The following PDZD2 variants were observed in gnomAD, a reference collection of about 807,000 sequenced individuals.
PDZD2 encodes the protein PDZ domain containing 2, also known as PDZ domain-containing protein 2.
Under a neutral mutation model 220.7 loss-of-function variants are expected in PDZD2, and 90 were observed. The observed-to-expected ratio is 0.41, with a 90% CI of 0.34 to 0.49. The LOEUF is 0.49. Ranked by LOEUF, PDZD2 falls within the 20% of genes least tolerant of loss-of-function variation. The pLI is 0.28. For missense variants in PDZD2, 3,174 were observed against 3,608.5 expected, an observed-to-expected ratio of 0.88 and a Z score of 3.08; for synonymous variants, 1,375 against 1,450.5, an observed-to-expected ratio of 0.95 and a Z score of 1.18.
intron 1 of PDZD2, among the ~76,000 whole-genome samples, chr5:31,693,431 G>C (rs1480271160): frequency 6.6e-6 from 1 of 152,028 alleles, no homozygotes; most frequent in Non-Finnish European, 1.5e-5. Flanking sequence ...TAGTAAAGAC[G>C]GGGTGTCATC....
At chr5:31,944,611 C>T (rs1746474688) in intron 2 of PDZD2, among the ~76,000 whole-genome samples, 2 of 152,250 alleles carry the variant, frequency 1.3e-5, no homozygotes, top group Admixed American at 6.5e-5. Context: ...AGACAGACTT[C>T]GCCTGCTTCC....
chr5:31,763,758 A>AT (rs1751799280), intron 1 of PDZD2, among the ~76,000 whole-genome samples: 1 of 151,974 alleles, frequency 6.6e-6, no homozygotes, highest in African/African-American at 2.4e-5. Context: ...CACCAGCCTC[A>AT]TCAAAGCTGG....
intron 1 of PDZD2, among the ~76,000 whole-genome samples, chr5:31,779,373 C>CTTTTTT (rs58290929): frequency 3.7e-5 from 4 of 106,668 alleles, no homozygotes; most frequent in East Asian, 2.4e-4. Flanking sequence ...TTGTGAATCT[C>CTTTTTT]TTTTTTTTTT....
intron 2 of PDZD2, among the ~76,000 whole-genome samples, chr5:31,981,638 C>T (rs916740585): frequency 2.0e-5 from 3 of 152,196 alleles, no homozygotes; most frequent in African/African-American, 7.2e-5. Context: ...GCTTTTGCTG[C>T]GTGAGCATAA....
chr5:31,815,907 A>G (rs1755420250), intron 2 of PDZD2, among the ~76,000 whole-genome samples: 1 of 152,148 alleles, frequency 6.6e-6, no homozygotes, highest in Admixed American at 6.6e-5. Context: ...GGCCTATTTC[A>G]GGGAATGATG....
chr5:31,707,502 C>T (rs185724090), intron 1 of PDZD2, among the ~76,000 whole-genome samples: 10 of 152,160 alleles, frequency 6.6e-5, no homozygotes, highest in Non-Finnish European at 1.3e-4. Flanking sequence ...GACTTTAAGC[C>T]TTCAGGACTA....
chr5:31,903,562 C>G (rs952748727), intron 2 of PDZD2, among the ~76,000 whole-genome samples: 1 of 145,110 alleles, frequency 6.9e-6, no homozygotes, highest in Non-Finnish European at 1.5e-5. Flanking sequence ...ATGGGAGAAT[C>G]ACCTGAGCCT....
chr5:31,965,426 C>T (rs1748645375), intron 2 of PDZD2, among the ~76,000 whole-genome samples: 1 of 152,206 alleles, frequency 6.6e-6, no homozygotes, highest in Non-Finnish European at 1.5e-5. Flanking sequence ...CCATGATGTT[C>T]TACACACGGG....
chr5:31,690,838 T>C (rs4867372), intron 1 of PDZD2, among the ~76,000 whole-genome samples: 66,032 of 152,090 alleles, frequency 0.43, 14,556 homozygotes, highest in East Asian at 0.52. Flanking sequence ...GCAAACATAT[T>C]TTTTTGGGGG....
chr5:31,810,159 C>G (rs184933193), intron 2 of PDZD2, among the ~76,000 whole-genome samples: 66 of 152,202 alleles, frequency 4.3e-4, no homozygotes, highest in African/African-American at 1.6e-3. Context: ...CTGACTTCTA[C>G]TTTATCTTTT....
chr5:31,902,900 CT>C lies in PDZD2; in HGVS notation c.477-80252del, dbSNP rs1742229321. 2.0e-5 allele frequency among the ~76,000 whole-genome samples: 3 copies of C among 150,908 alleles called. No homozygotes were observed. The South Asian group carries it at 6.3e-4, about 32-fold the overall frequency. ...CAAAAACTTAAAATTTTATTAAGGG[CT>C]TTATTTCTTTGCATGTCAATTTCTC... On this transcript the variant is annotated intron_variant, in intron 2 of 24. Transcript: ENST00000438447.
chr5:31,776,279 T>A (rs918944000), intron 1 of PDZD2, among the ~76,000 whole-genome samples: 1 of 151,936 alleles, frequency 6.6e-6, no homozygotes, highest in Non-Finnish European at 1.5e-5. Flanking sequence ...TTGTCCAAGA[T>A]GCCAGCCCCT....
rs145330821 is a variant in PDZD2, at chr5:31,972,779, C to G, written c.477-10376C>G. On this transcript the variant is annotated intron_variant, in intron 2 of 24. Coordinates refer to ENST00000438447, the MANE Select transcript of PDZD2 (RefSeq NM_178140.4). ...CTGACTCAATCATGTACAGCAAAGTCTGACTCCCACCACTCCCTGTTGTAC... is the reference window on the plus strand; with the variant it reads ...CTGACTCAATCATGTACAGCAAAGTGTGACTCCCACCACTCCCTGTTGTAC... 2.2e-3 allele frequency among the ~76,000 whole-genome samples: 335 copies of G among 152,304 alleles called. 1 individual carries two copies. The highest frequency in any genetic ancestry group is 7.7e-3 in the African/African-American group (319 of 41,574).
intron 1 of PDZD2, among the ~76,000 whole-genome samples, chr5:31,650,532 C>T (rs189170738): frequency 1.9e-4 from 29 of 152,264 alleles, no homozygotes; most frequent in African/African-American, 6.7e-4. Context: ...AATATACTCA[C>T]CCAGATTCCC....
Position 31,983,251 on chromosome 5 carries a change from T to C in PDZD2, c.573T>C (p.Ser191=), listed in dbSNP as rs1191645988. 5 of 1,614,130 alleles carry C rather than the reference T, an allele frequency of 3.1e-6. No homozygotes were observed. Among genetic ancestry groups the C allele is most frequent in the Middle Eastern group, 1.6e-4 (1 of 6,062 alleles). The change falls in exon 3 of 25, where the codon AGT becomes AGC. Residue 191 remains serine (S), a synonymous_variant. Coordinates refer to ENST00000438447, the MANE Select transcript of PDZD2 (RefSeq NM_178140.4). ...CCCACTCCACTTATAATGGCAACAG[T>C]AGCAACAGCTCTGAACCAGGAGAAA... The part of the protein sequence containing the change: ...HKAHSTYNGN[S]SNSSEPGETP...
chr5:31,844,582 C>T (rs1412574667), intron 2 of PDZD2, among the ~76,000 whole-genome samples: 2 of 152,136 alleles, frequency 1.3e-5, no homozygotes, highest in Non-Finnish European at 2.9e-5. Context: ...TTTTTGGGAT[C>T]TACTTAGAGT....
At position 32,077,416 on chromosome 5, in the gene PDZD2, A is replaced by G. The variant is rs754352267; in HGVS notation, c.3538-46A>G. Reference sequence around the variant, plus strand: ...ATATGATCTCATCTTACGGTGCAGAAAGCCTGAAAGTTATTTCAAGTGGCT... The same window carrying G: ...ATATGATCTCATCTTACGGTGCAGAGAGCCTGAAAGTTATTTCAAGTGGCT... On this transcript the variant is annotated intron_variant, in intron 18 of 24. Coordinates refer to ENST00000438447, the MANE Select transcript of PDZD2 (RefSeq NM_178140.4). 1.7e-5 allele frequency: 28 copies of G among 1,606,236 alleles called. No homozygotes were observed. In the South Asian group the frequency reaches 2.9e-4, roughly 16 times the overall value.
At chr5:31,961,452 T>C (rs898808886) in intron 2 of PDZD2, among the ~76,000 whole-genome samples, 5 of 151,928 alleles carry the variant, frequency 3.3e-5, no homozygotes, top group Admixed American at 6.6e-5. Flanking sequence ...AGAGGATCCC[T>C]TGAGCTCAGG....
Position 31,968,316 on chromosome 5 carries a change from CCACTGTGCTCCAGCCT to C in PDZD2, c.477-14838_477-14823del, listed in dbSNP as rs1376991602. On this transcript the variant is annotated intron_variant, in intron 2 of 24. Coordinates refer to ENST00000438447, the MANE Select transcript of PDZD2 (RefSeq NM_178140.4). ...GAGGTTGCAGTGAGCCGAGATCGCACCACTGTGCTCCAGCCTGGGCGACAGAGTGAGACTGTGTCTC... is the reference window on the plus strand; with the variant it reads ...GAGGTTGCAGTGAGCCGAGATCGCACGGGCGACAGAGTGAGACTGTGTCTC... 2.6e-5 allele frequency among the ~76,000 whole-genome samples: 4 copies of C among 152,280 alleles called. No homozygotes were observed. The East Asian group carries it at 7.7e-4, about 29-fold the overall frequency.
Sources: gnomAD v4.1 joint callset for allele counts (sites outside exome capture counted in the v4.1 genomes callset) on GRCh38, gnomAD v4.1.1 for gene constraint, MANE v1.5 for transcripts, NCBI Gene and HGNC (gene_info 2026-07-23, HGNC 2026-07-21) for gene names.